TXNRD1: variants seen among roughly 807,000 people sequenced by gnomAD.
The protein encoded by TXNRD1 is thioredoxin reductase 1, cytoplasmic.
Under a neutral mutation model 80.3 loss-of-function variants are expected in TXNRD1, and 57 were observed. The observed-to-expected ratio is 0.71, with a 90% CI of 0.57 to 0.89. The LOEUF (loss-of-function observed/expected upper bound fraction) is 0.89. TXNRD1 is among the 40% of genes least tolerant of loss of function. The pLI is 0.00. For missense variants in TXNRD1, 730 were observed against 803.0 expected, an observed-to-expected ratio of 0.91 and a Z score of 1.10; for synonymous variants, 291 against 285.2, an observed-to-expected ratio of 1.02 and a Z score of -0.20.
At chr12:104,226,400 G>A (rs2032473944) in intron 1 of TXNRD1, among the ~76,000 whole-genome samples, 1 of 152,038 alleles carries the variant, frequency 6.6e-6, no homozygotes, top group African/African-American at 2.4e-5. Context: ...ATTTCCATAA[G>A]TTCAGTTATG....
At chr12:104,231,798 A>T (rs543858682) in intron 1 of TXNRD1, among the ~76,000 whole-genome samples, 1 of 152,282 alleles carries the variant, frequency 6.6e-6, no homozygotes, top group South Asian at 2.1e-4. Flanking sequence ...TACCATATTG[A>T]TCTGGATTTT....
chr12:104,300,617 T>G (rs1347767420), intron 4 of TXNRD1, among the ~76,000 whole-genome samples: 5 of 152,034 alleles, frequency 3.3e-5, no homozygotes. Flanking sequence ...TTGGGGAGAG[T>G]TATTGAACTT....
chr12:104,325,155 C>T (rs746813052), intron 10 of TXNRD1, among the ~76,000 whole-genome samples, 182 bp from the exon 11 acceptor site: 1 of 151,784 alleles, frequency 6.6e-6, no homozygotes, highest in Non-Finnish European at 1.5e-5. Flanking sequence ...CATTGAGCAG[C>T]GAAAAAGAAG....
At chr12:104,295,659 T>C (rs890222771) in intron 4 of TXNRD1, among the ~76,000 whole-genome samples, 1 of 152,200 alleles carries the variant, frequency 6.6e-6, no homozygotes, top group Non-Finnish European at 1.5e-5. Flanking sequence ...ACCTGTCTTC[T>C]CTTCCTACCA....
chr12:104,329,671 A>G (rs928490811), intron 13 of TXNRD1, among the ~76,000 whole-genome samples: 5 of 152,056 alleles, frequency 3.3e-5, no homozygotes, highest in African/African-American at 1.2e-4. Flanking sequence ...AAATAAATAA[A>G]ATAAATTCAT....
At chr12:104,315,634 T>A in intron 6 of TXNRD1, 143 bp from the exon 7 acceptor site, 2 of 869,032 alleles carry the variant, frequency 2.3e-6, no homozygotes, top group South Asian at 4.0e-5. Context: ...GTTGTAAGAG[T>A]TAGGAATAAA....
intron 6 of TXNRD1, among the ~76,000 whole-genome samples, chr12:104,314,513 C>T (rs2035247087): frequency 6.6e-6 from 1 of 152,082 alleles, no homozygotes; most frequent in Non-Finnish European, 1.5e-5. Flanking sequence ...ACTCAGAGGA[C>T]TTACTTTGAG....
intron 16 of TXNRD1, among the ~76,000 whole-genome samples, chr12:104,347,667 G>A (rs1593894361): frequency 6.6e-6 from 1 of 152,178 alleles, no homozygotes; most frequent in South Asian, 2.1e-4. Flanking sequence ...AGCTTGGATG[G>A]CCAGCAGAAG....
At chr12:104,303,766 C>A in intron 4 of TXNRD1, 1 of 1,173,202 alleles carries the variant, frequency 8.5e-7, no homozygotes, top group South Asian at 1.7e-5. Context: ...GCTCTAACTG[C>A]CGCCACTTTC....
At chr12:104,230,558 C>T (rs761288423) in intron 1 of TXNRD1, among the ~76,000 whole-genome samples, 5 of 152,100 alleles carry the variant, frequency 3.3e-5, no homozygotes, top group Admixed American at 6.6e-5. Context: ...TTTGCATTTC[C>T]GTAATGAATA....
chr12:104,233,941 A>C (rs1177316328), intron 1 of TXNRD1, among the ~76,000 whole-genome samples: 1 of 150,756 alleles, frequency 6.6e-6, no homozygotes, highest in Non-Finnish European at 1.5e-5. Context: ...TAACTTTCTG[A>C]GTGCAGTCCA....
intron 1 of TXNRD1, among the ~76,000 whole-genome samples, chr12:104,240,114 A>C (rs1158112820): frequency 3.3e-5 from 5 of 152,222 alleles, no homozygotes; most frequent in African/African-American, 1.2e-4. Context: ...TAAGTTTGAA[A>C]ATGGCCCCTC....
At chr12:104,298,325 C>G (rs540107475) in intron 4 of TXNRD1, among the ~76,000 whole-genome samples, 14 of 152,082 alleles carry the variant, frequency 9.2e-5, no homozygotes, top group African/African-American at 2.9e-4. Flanking sequence ...ATAGTTGAAG[C>G]CTTCGTAGGT....
intron 16 of TXNRD1, among the ~76,000 whole-genome samples, chr12:104,346,884 C>A (rs2036508128): frequency 6.6e-6 from 1 of 152,100 alleles, no homozygotes; most frequent in African/African-American, 2.4e-5. Context: ...CACCTGAGGT[C>A]AGGAGTTTGA....
At chr12:104,333,523 T>C (rs2036032468) in intron 14 of TXNRD1, among the ~76,000 whole-genome samples, 1 of 152,236 alleles carries the variant, frequency 6.6e-6, no homozygotes. Flanking sequence ...GTAACCCATG[T>C]TTATTTTTAA....
chr12:104,249,421 A>G (rs2033063349), intron 1 of TXNRD1, among the ~76,000 whole-genome samples: 2 of 152,220 alleles, frequency 1.3e-5, no homozygotes, highest in South Asian at 4.1e-4. Context: ...AGATAAGGAG[A>G]TTTCTATGTT....
intron 16 of TXNRD1, among the ~76,000 whole-genome samples, chr12:104,345,494 G>A (rs2036458817): frequency 6.6e-6 from 1 of 152,212 alleles, no homozygotes; most frequent in Non-Finnish European, 1.5e-5. Context: ...TAAGAGGAGA[G>A]GCTACTCTTG....
intron 4 of TXNRD1, among the ~76,000 whole-genome samples, chr12:104,290,722 T>TATAC (rs1325712619): frequency 1.5e-4 from 6 of 40,994 alleles, no homozygotes; most frequent in African/African-American, 6.1e-4. Flanking sequence ...GAAATATACA[T>TATAC]ATATATATAT....
intron 1 of TXNRD1, among the ~76,000 whole-genome samples, chr12:104,228,567 A>C (rs1457092642): frequency 6.6e-6 from 1 of 152,028 alleles, no homozygotes; most frequent in Non-Finnish European, 1.5e-5. Context: ...GGAGGCAGAG[A>C]TTGTGGTGAG....
Sources: allele counts gnomAD v4.1 joint callset (sites outside exome capture counted in the v4.1 genomes callset), GRCh38; gene constraint gnomAD v4.1.1; transcripts MANE v1.5; gene names NCBI Gene and HGNC (gene_info 2026-07-23, HGNC 2026-07-21).